GPC5: variants seen among roughly 807,000 people sequenced by gnomAD.
GPC5 encodes glypican-5.
Under a neutral mutation model 53.9 loss-of-function variants are expected in GPC5, and 47 were observed. The observed-to-expected ratio is 0.87, with a 90% CI of 0.69 to 1.11. The LOEUF is 1.11. Ranked by LOEUF, GPC5 falls within the 50% of genes most tolerant of loss-of-function variation. The pLI is 0.00. For synonymous variants in GPC5, 286 were observed against 263.3 expected, an observed-to-expected ratio of 1.09 and a Z score of -0.84; for missense variants, 748 against 713.1, an observed-to-expected ratio of 1.05 and a Z score of -0.56.
intron 7 of GPC5, among the ~76,000 whole-genome samples, chr13:92,737,740 TTTTC>T (rs1226060182): frequency 6.8e-6 from 1 of 147,140 alleles, no homozygotes; most frequent in East Asian, 2.2e-4. Flanking sequence ...AAATGACATA[TTTTC>T]TTTCTTTTTT....
chr13:91,666,787 G>A (rs1447975321), intron 2 of GPC5, among the ~76,000 whole-genome samples: 1 of 151,992 alleles, frequency 6.6e-6, no homozygotes, highest in Non-Finnish European at 1.5e-5. Flanking sequence ...TTAGATAAAT[G>A]CTAGTTTATT....
chr13:92,414,883 G>C (rs945323783), intron 7 of GPC5, among the ~76,000 whole-genome samples: 2 of 152,100 alleles, frequency 1.3e-5, no homozygotes, highest in African/African-American at 2.4e-5. Context: ...TTTTGACCTT[G>C]TTACCTCCCA....
intron 6 of GPC5, among the ~76,000 whole-genome samples, chr13:92,023,558 T>C (rs1332360657): frequency 1.3e-5 from 2 of 151,910 alleles, no homozygotes; most frequent in African/African-American, 2.4e-5. Context: ...CATTTTATTA[T>C]GATTTTGGAG....
intron 5 of GPC5, among the ~76,000 whole-genome samples, chr13:91,779,693 A>G (rs1265332608): frequency 1.3e-5 from 2 of 152,194 alleles, no homozygotes; most frequent in Non-Finnish European, 2.9e-5. Context: ...AATTAAAAAC[A>G]AAGACACAAA....
intron 7 of GPC5, among the ~76,000 whole-genome samples, chr13:92,293,972 C>G (rs1163802108): frequency 1.3e-5 from 2 of 152,002 alleles, no homozygotes; most frequent in African/African-American, 4.8e-5. Flanking sequence ...GTTTTTAATT[C>G]TGTTTATGTG....
intron 7 of GPC5, among the ~76,000 whole-genome samples, chr13:92,449,762 A>G (rs186500547): frequency 1.4e-4 from 22 of 151,986 alleles, no homozygotes; most frequent in African/African-American, 3.9e-4. Flanking sequence ...CACTTTAAAG[A>G]TAAACTTCAC....
chr13:92,606,781 G>A (rs980202183), intron 7 of GPC5, among the ~76,000 whole-genome samples: 1 of 151,918 alleles, frequency 6.6e-6, no homozygotes, highest in African/African-American at 2.4e-5. Context: ...TTTTATTTTG[G>A]GGGAGTTTTT....
chr13:92,174,115 G>A lies in GPC5; in HGVS notation c.1561+29126G>A, dbSNP rs538113801. Among the ~76,000 whole-genome samples, 128 of 152,012 alleles carry A rather than the reference G, an allele frequency of 8.4e-4. 2 individuals carry two copies. In the South Asian group the frequency reaches 0.025, roughly 30 times the overall value. ...GTGAGAGACCCCGTCAAAAAGAAAG[G>A]AAAAGAAAAGACATCTTTGGATATT... On this transcript the variant is annotated intron_variant, in intron 7 of 7. Coordinates refer to ENST00000377067, the MANE Select transcript of GPC5 (RefSeq NM_004466.6).
At chr13:91,414,660 G>A (rs1467144144) in intron 1 of GPC5, among the ~76,000 whole-genome samples, 2 of 152,178 alleles carry the variant, frequency 1.3e-5, no homozygotes, top group African/African-American at 2.4e-5. Context: ...AAATCTCTCT[G>A]TTTGGCTTTT....
chr13:92,549,704 G>A (rs1347626795), intron 7 of GPC5, among the ~76,000 whole-genome samples: 1 of 151,986 alleles, frequency 6.6e-6, no homozygotes, highest in Non-Finnish European at 1.5e-5. Flanking sequence ...TACAGCAGAG[G>A]AGAAAATTAA....
chr13:92,177,437 C>T (rs915120320), intron 7 of GPC5, among the ~76,000 whole-genome samples: 2 of 152,082 alleles, frequency 1.3e-5, no homozygotes, highest in African/African-American at 4.8e-5. Context: ...TTGATCTTTC[C>T]AATGATTTCA....
At chr13:91,872,433 T>C (rs1162853045) in intron 5 of GPC5, among the ~76,000 whole-genome samples, 1 of 152,186 alleles carries the variant, frequency 6.6e-6, no homozygotes, top group Non-Finnish European at 1.5e-5. Flanking sequence ...TTTTCTTTCT[T>C]TTTAAAAATT....
At chr13:92,194,069 G>T (rs973066124) in intron 7 of GPC5, among the ~76,000 whole-genome samples, 3 of 152,134 alleles carry the variant, frequency 2.0e-5, no homozygotes, top group African/African-American at 7.2e-5. Flanking sequence ...AAGGAAAGAA[G>T]GGAGGAAGAA....
At position 92,274,786 on chromosome 13, in the gene GPC5, G is replaced by A. The variant is rs563088471; in HGVS notation, c.1561+129797G>A. ...AACAGAGTGAGTTTATTAGCCAAAC[G>A]GAAGTTACAATCTTATGCAGTATAA... On this transcript the variant is annotated intron_variant, in intron 7 of 7. Transcript: ENST00000377067. Among the ~76,000 whole-genome samples the A allele has an allele frequency of 6.6e-5, 10 of 152,164 alleles. No individual in the cohort carries two copies. The East Asian group carries it at 7.7e-4, about 12-fold the overall frequency.
chr13:92,144,296 A>G (rs2041850794), intron 6 of GPC5, among the ~76,000 whole-genome samples: 1 of 152,216 alleles, frequency 6.6e-6, no homozygotes, highest in African/African-American at 2.4e-5. Flanking sequence ...AAGGTTCAGT[A>G]TGTGCCATAT....
intron 2 of GPC5, among the ~76,000 whole-genome samples, chr13:91,663,529 C>G (rs1373797015): frequency 6.6e-6 from 1 of 152,166 alleles, no homozygotes; most frequent in Non-Finnish European, 1.5e-5. Context: ...ATGTTCAAAG[C>G]TCACTGTAAC....
intron 7 of GPC5, among the ~76,000 whole-genome samples, chr13:92,741,427 A>G (rs1201337082): frequency 1.3e-5 from 2 of 151,986 alleles, no homozygotes; most frequent in East Asian, 3.9e-4. Flanking sequence ...CTTTCATAAG[A>G]TGTGCCTCCT....
intron 7 of GPC5, among the ~76,000 whole-genome samples, chr13:92,815,405 G>T (rs1039884945): frequency 2.0e-4 from 31 of 151,984 alleles, no homozygotes; most frequent in African/African-American, 7.5e-4. Context: ...CCTGAGGCAA[G>T]AAAGTTTTTT....
intron 3 of GPC5, among the ~76,000 whole-genome samples, chr13:91,713,531 C>T (rs2036273088): frequency 1.3e-5 from 2 of 152,082 alleles, no homozygotes; most frequent in Admixed American, 1.3e-4. Flanking sequence ...GTAGTTTATT[C>T]CTAGAGTCAC....
Sources: allele counts gnomAD v4.1 joint callset (sites outside exome capture counted in the v4.1 genomes callset), GRCh38; gene constraint gnomAD v4.1.1; transcripts MANE v1.5; gene names NCBI Gene and HGNC (gene_info 2026-07-23, HGNC 2026-07-21).